The following CIB4 variants were observed in gnomAD, a reference collection of about 807,000 sequenced individuals.
CIB4 encodes calcium and integrin binding family member 4.
Under a neutral mutation model 25.8 loss-of-function variants are expected in CIB4, and 25 were observed. The observed-to-expected ratio is 0.97, with a 90% CI of 0.71 to 1.35. The LOEUF (loss-of-function observed/expected upper bound fraction) is 1.35, where lower values mean the gene tolerates loss of function less well. CIB4 is among the 40% of genes most tolerant of loss of function. The probability of loss-of-function intolerance (pLI) is 0.00; values close to 1 mark genes in which losing one functional copy is unlikely to be tolerated. For missense variants in CIB4, 235 were observed against 228.2 expected, an observed-to-expected ratio of 1.03 and a Z score of -0.19; for synonymous variants, 75 against 81.4, an observed-to-expected ratio of 0.92 and a Z score of 0.42.
chr2:26,617,466 G>A (rs919036374), intron 3 of CIB4, among the ~76,000 whole-genome samples: 1 of 152,184 alleles, frequency 6.6e-6, no homozygotes, highest in African/African-American at 2.4e-5. Context: ...TTCCTCATCT[G>A]TAGAATGGGG....
chr2:26,602,293 G>A (rs1320590313), intron 3 of CIB4, among the ~76,000 whole-genome samples: 3 of 152,146 alleles, frequency 2.0e-5, no homozygotes, highest in Non-Finnish European at 4.4e-5. Flanking sequence ...GTAGTCTAAA[G>A]ACCAAAATAA....
chr2:26,627,420 C>T lies in CIB4; in HGVS notation c.186+1990G>A, dbSNP rs1457179774. Among the ~76,000 whole-genome samples the T allele has an allele frequency of 6.6e-6, 1 of 152,178 alleles. No homozygotes were observed. The highest frequency in any genetic ancestry group is 1.5e-5 in the Non-Finnish European group (1 of 68,036). On this transcript the variant is annotated intron_variant, in intron 3 of 6. Coordinates refer to ENST00000288861, the MANE Select transcript of CIB4 (RefSeq NM_001029881.3). The surrounding 1 kb of genome is among the most constrained non-coding windows in gnomAD (Gnocchi z 4.0). ...GGTGGTCTCTAAGTTTCTTTCCAGT[C>T]GTAGCATTCAGAGAGTCTGGGACTG...
At chr2:26,621,222 A>G (rs557194872) in intron 3 of CIB4, among the ~76,000 whole-genome samples, 1 of 151,054 alleles carries the variant, frequency 6.6e-6, no homozygotes, top group Admixed American at 6.6e-5. Context: ...AGAGTAGTAA[A>G]ATAAAAGAGA....
chr2:26,600,981 G>A (rs866698142), intron 3 of CIB4, among the ~76,000 whole-genome samples: 9 of 151,884 alleles, frequency 5.9e-5, no homozygotes, highest in Admixed American at 2.0e-4. Context: ...AGCACTTTGG[G>A]AGGCTAAAGG....
chr2:26,603,184 C>A (rs1378399117), intron 3 of CIB4, among the ~76,000 whole-genome samples: 3 of 152,026 alleles, frequency 2.0e-5, no homozygotes, highest in African/African-American at 7.3e-5. Context: ...TCTGTGCTCT[C>A]CAAAAAATCA....
intron 3 of CIB4, among the ~76,000 whole-genome samples, chr2:26,618,913 C>A (rs1669147974): frequency 6.6e-6 from 1 of 152,206 alleles, no homozygotes; most frequent in Admixed American, 6.5e-5. Flanking sequence ...TTACTGGTAG[C>A]CTGGGTGAGA....
intron 4 of CIB4, 109 bp downstream of exon 4, chr2:26,595,067 G>A: frequency 1.8e-6 from 2 of 1,085,028 alleles, no homozygotes; most frequent in South Asian, 1.6e-5. Context: ...AGATACCCAA[G>A]CACACCCCAG....
At position 26,640,392 on chromosome 2, in the gene CIB4, C is replaced by A. The variant is rs1442192306; in HGVS notation, c.89+141G>T. ...CCTGGGCCCTCCCATCCCTGCCTGCCGTGTCCCAGCCCCATCTCCAGGGCT... is the reference window on the plus strand; with the variant it reads ...CCTGGGCCCTCCCATCCCTGCCTGCAGTGTCCCAGCCCCATCTCCAGGGCT... On this transcript the variant is annotated intron_variant, in intron 2 of 6. Coordinates refer to ENST00000288861, the MANE Select transcript of CIB4 (RefSeq NM_001029881.3). 17 of 853,664 alleles carry A rather than the reference C, an allele frequency of 2.0e-5. 1 individual carries two copies. In the South Asian group the frequency reaches 3.0e-4, roughly 15 times the overall value. 52.9% of individuals were successfully genotyped at this position (853,664 alleles called of 1,614,324 possible). A position where few individuals can be genotyped will look rare whatever the true frequency, so the allele number is the denominator to read the frequency against.
chr2:26,634,053 G>T (rs914039245), intron 2 of CIB4, among the ~76,000 whole-genome samples: 5 of 152,104 alleles, frequency 3.3e-5, no homozygotes, highest in African/African-American at 1.2e-4. Context: ...GGGGTCCCAC[G>T]TAAGAATCAT....
intron 3 of CIB4, among the ~76,000 whole-genome samples, chr2:26,598,608 C>A (rs1347023373): frequency 6.6e-6 from 1 of 152,122 alleles, no homozygotes; most frequent in Non-Finnish European, 1.5e-5. Context: ...ACCAGAGCTG[C>A]GATTGGGTCC....
intron 4 of CIB4, among the ~76,000 whole-genome samples, chr2:26,590,525 C>T (rs1214257560): frequency 1.3e-5 from 2 of 152,106 alleles, no homozygotes; most frequent in Non-Finnish European, 2.9e-5. Flanking sequence ...ACGGAATCAT[C>T]ACCATGACAG....
intron 3 of CIB4, among the ~76,000 whole-genome samples, chr2:26,608,239 CA>C (rs34295840): frequency 0.15 from 19,113 of 123,312 alleles, 1,525 homozygotes; most frequent in Admixed American, 0.27. Context: ...GACTCTGTCT[CA>C]AAAAAAAAAA....
At chr2:26,639,658 G>T (rs998246983) in intron 2 of CIB4, among the ~76,000 whole-genome samples, 1 of 152,098 alleles carries the variant, frequency 6.6e-6, no homozygotes, top group African/African-American at 2.4e-5. Context: ...CCCCTGGTTA[G>T]CTCCCCGTGC....
At chr2:26,608,312 T>C (rs1293184520) in intron 3 of CIB4, among the ~76,000 whole-genome samples, 2 of 151,218 alleles carry the variant, frequency 1.3e-5, no homozygotes, top group Non-Finnish European at 2.9e-5. Context: ...GCTGTGTACC[T>C]ACCTACATTT....
chr2:26,604,869 G>A (rs1668858550), intron 3 of CIB4, among the ~76,000 whole-genome samples: 1 of 152,136 alleles, frequency 6.6e-6, no homozygotes, highest in Non-Finnish European at 1.5e-5. Context: ...GAACAAGTAG[G>A]ACCTCTAAAA....
intron 3 of CIB4, among the ~76,000 whole-genome samples, chr2:26,617,315 A>G (rs530214476): frequency 1.3e-5 from 2 of 152,144 alleles, no homozygotes; most frequent in East Asian, 3.9e-4. Flanking sequence ...AGATGAGGAG[A>G]GAGAAGTTGG....
chr2:26,582,747 T>C (rs1228917618), intron 6 of CIB4, 78 bp downstream of exon 6: 5 of 826,824 alleles, frequency 6.0e-6, no homozygotes, highest in Admixed American at 5.9e-5. Flanking sequence ...AGATGTCCCA[T>C]GGAGTGAGGA....
chr2:26,616,138 A>G (rs1451958282), intron 3 of CIB4, among the ~76,000 whole-genome samples: 1 of 152,198 alleles, frequency 6.6e-6, no homozygotes, highest in African/African-American at 2.4e-5. Flanking sequence ...CTCCCTCCTC[A>G]AACAGTTACC....
intron 4 of CIB4, among the ~76,000 whole-genome samples, chr2:26,584,849 A>C (rs1474081819): frequency 6.6e-6 from 1 of 152,034 alleles, no homozygotes; most frequent in Non-Finnish European, 1.5e-5. Flanking sequence ...GGGACTTCCC[A>C]GACTTCTGGG....
Sources: gnomAD v4.1 joint callset for allele counts (sites outside exome capture counted in the v4.1 genomes callset) on GRCh38, gnomAD v4.1.1 for gene constraint, Gnocchi (gnomAD v3.1) non-coding constraint, MANE v1.5 for transcripts, NCBI Gene and HGNC (gene_info 2026-07-23, HGNC 2026-07-21) for gene names.